Variants in ADGRL4 observed in about 807,000 individuals in gnomAD.
The protein encoded by ADGRL4 is adhesion G protein-coupled receptor L4, also known as EGF, latrophilin and seven transmembrane domain containing 1.
In ADGRL4, 90 loss-of-function variants were observed where a neutral mutation model predicts 74.8. That is an observed-to-expected ratio of 1.20 (90% CI 1.02 to 1.43). ADGRL4 has a LOEUF of 1.43. Among genes scored for constraint, ADGRL4 ranks in the 40% most tolerant of loss-of-function variants. The pLI, the probability that ADGRL4 is intolerant of heterozygous loss-of-function variation, is 0.00. For missense variants in ADGRL4, 881 were observed against 814.3 expected (o/e 1.08, Z -1.00); for synonymous variants, 311 against 279.2 (o/e 1.11, Z -1.14).
chr1:78,917,916 A>T lies in ADGRL4; in HGVS notation c.1596T>A (p.Asn532Lys), dbSNP rs1648912107. 6.2e-7 allele frequency: 1 copy of T among 1,612,810 alleles called. No individual in the cohort carries two copies. ...GGCTTAGATAGCCAAAGATATAAAA[A>T]TTCTTGTGCAAAAATCCCTTGTTGT... ...VIYNKGFLHK[N>K]FYIFGYLSPA... Residue 532 changes from asparagine (N) to lysine (K), a missense_variant, in exon 11 of 15, where the codon AAT becomes AAA. Coordinates refer to ENST00000370742, the MANE Select transcript of ADGRL4 (RefSeq NM_022159.4).
intron 2 of ADGRL4, among the ~76,000 whole-genome samples, chr1:78,963,720 G>A (rs1650000239): frequency 6.6e-6 from 1 of 151,960 alleles, no homozygotes; most frequent in Non-Finnish European, 1.5e-5. Flanking sequence ...TTCATAAAAT[G>A]AGATGAAAAT....
intron 6 of ADGRL4, 38 bp from the exon 7 acceptor site, chr1:78,936,449 C>T (rs1477505385): frequency 4.7e-6 from 7 of 1,496,298 alleles, no homozygotes; most frequent in Non-Finnish European, 5.4e-6. Flanking sequence ...AGTGAAATTA[C>T]TTTAATCAAT....
rs766430634 is a variant in ADGRL4 at position 78,926,901 on chromosome 1, T to C, written c.1068A>G (p.Thr356=). 1 of 1,611,130 alleles carries C rather than the reference T, an allele frequency of 6.2e-7. No individual in the cohort carries two copies. Among genetic ancestry groups the C allele is most frequent in the African/African-American group, 1.3e-5 (1 of 74,926 alleles). Residue 356 remains threonine, a synonymous_variant, in exon 8 of 15, where the codon ACA becomes ACG. Coordinates refer to ENST00000370742, the MANE Select transcript of ADGRL4 (RefSeq NM_022159.4). Reference sequence around the variant, plus strand: ...AACAGCTTACCTTTCGATGACTTAATGTAAATGTTATTTTTTCAAGTTCAT... The same window carrying C: ...AACAGCTTACCTTTCGATGACTTAACGTAAATGTTATTTTTTCAAGTTCAT... ...TLYELEKITF[T]LSHRKVTDRY... is the part of the protein sequence containing the mutation.
At chr1:78,946,219 A>T in intron 3 of ADGRL4, 55 bp downstream of exon 3, 1 of 1,470,662 alleles carries the variant, frequency 6.8e-7, no homozygotes. Flanking sequence ...TAACCTCTGG[A>T]GGTAACAAAC....
chr1:78,938,394 A>T, intron 4 of ADGRL4, 115 bp from the exon 5 acceptor site: 1 of 690,244 alleles, frequency 1.4e-6, no homozygotes, highest in Non-Finnish European at 2.2e-6. Flanking sequence ...TCTACACATA[A>T]ATAATATCAA....
intron 2 of ADGRL4, among the ~76,000 whole-genome samples, chr1:78,955,896 A>C (rs796511602): frequency 1.3e-5 from 2 of 152,168 alleles, no homozygotes; most frequent in African/African-American, 4.8e-5. Flanking sequence ...TTGGAAAAAA[A>C]CTATCTAATC....
chr1:78,980,198 C>CACA (rs1557519572), intron 2 of ADGRL4, among the ~76,000 whole-genome samples: 2,123 of 151,052 alleles, frequency 0.014, 53 homozygotes, highest in African/African-American at 0.05. Context: ...ACACACACAC[C>CACA]CACACACCAG....
chr1:79,000,244 C>T (rs1012043870), intron 2 of ADGRL4, among the ~76,000 whole-genome samples: 2 of 152,058 alleles, frequency 1.3e-5, no homozygotes, highest in Non-Finnish European at 2.9e-5. Flanking sequence ...TTGGGAAAAT[C>T]CAAAATCATA....
chr1:78,891,752 A>G (rs1648279852), intron 13 of ADGRL4, 60 bp from the exon 14 acceptor site: 1 of 1,413,968 alleles, frequency 7.1e-7, no homozygotes, highest in South Asian at 1.3e-5. Context: ...ATATCTCCCA[A>G]ATTACTCAAA....
chr1:78,903,707 G>T (rs1473878110), intron 12 of ADGRL4, among the ~76,000 whole-genome samples: 1 of 152,104 alleles, frequency 6.6e-6, no homozygotes, highest in African/African-American at 2.4e-5. Flanking sequence ...AGGCCGAGGA[G>T]GGTGGATCAC....
intron 7 of ADGRL4, among the ~76,000 whole-genome samples, chr1:78,931,124 C>T (rs74461593): frequency 0.039 from 5,865 of 151,226 alleles, 189 homozygotes; most frequent in Non-Finnish European, 0.066. Flanking sequence ...CCCCAAGACA[C>T]ATAAACAGAT....
At chr1:78,914,426 C>T (rs10158148) in intron 12 of ADGRL4, among the ~76,000 whole-genome samples, 100,339 of 151,662 alleles carry the variant, frequency 0.66, 33,624 homozygotes, top group East Asian at 0.76. Flanking sequence ...CTTAATCATA[C>T]GGTTTGGGTC....
chr1:78,980,812 G>A (rs1403380602), intron 2 of ADGRL4, among the ~76,000 whole-genome samples: 1 of 151,906 alleles, frequency 6.6e-6, no homozygotes, highest in East Asian at 1.9e-4. Flanking sequence ...AAGTAGATAT[G>A]ACAACTTCTC....
chr1:78,984,884 C>T (rs1034117767), intron 2 of ADGRL4, among the ~76,000 whole-genome samples: 2 of 151,516 alleles, frequency 1.3e-5, no homozygotes, highest in African/African-American at 4.8e-5. Flanking sequence ...CGCTATAACC[C>T]TTTACAAAGC....
chr1:78,910,108 G>A lies in ADGRL4; in HGVS notation c.1749+7526C>T, dbSNP rs1481039392. On this transcript the variant is annotated intron_variant, in intron 12 of 14. Transcript: ENST00000370742. ...ATATTAAGAAAAATGTATTTATGGGGAGAATGAGTGTAGATTGGAATATTC... is the reference window on the plus strand; with the variant it reads ...ATATTAAGAAAAATGTATTTATGGGAAGAATGAGTGTAGATTGGAATATTC... 2.6e-5 allele frequency among the ~76,000 whole-genome samples: 4 copies of A among 151,666 alleles called. No homozygotes were observed. In the South Asian group the frequency reaches 6.2e-4, roughly 24 times the overall value.
chr1:78,954,742 G>A (rs866374212), intron 2 of ADGRL4, among the ~76,000 whole-genome samples: 11 of 152,064 alleles, frequency 7.2e-5, no homozygotes, highest in African/African-American at 2.4e-4. Flanking sequence ...TTAAAAAATT[G>A]TAGTTAGAAA....
intron 2 of ADGRL4, among the ~76,000 whole-genome samples, chr1:78,949,946 AGT>A (rs1649687382): frequency 6.6e-6 from 1 of 152,188 alleles, no homozygotes; most frequent in Admixed American, 6.6e-5. Flanking sequence ...TGATACGCTG[AGT>A]TAAGCACGGC....
At chr1:78,898,325 A>G (rs930319691) in intron 12 of ADGRL4, among the ~76,000 whole-genome samples, 4 of 152,090 alleles carry the variant, frequency 2.6e-5, no homozygotes, top group African/African-American at 9.7e-5. Flanking sequence ...AATCATTGGT[A>G]TTCATCTGAA....
intron 3 of ADGRL4, among the ~76,000 whole-genome samples, chr1:78,944,541 T>G (rs1649555344): frequency 6.6e-6 from 1 of 152,188 alleles, no homozygotes; most frequent in Non-Finnish European, 1.5e-5. Flanking sequence ...AAGGTAAAAT[T>G]ACCATTCAAC....
Sources: allele counts gnomAD v4.1 joint callset (sites outside exome capture counted in the v4.1 genomes callset), GRCh38; gene constraint gnomAD v4.1.1; transcripts MANE v1.5; gene names NCBI Gene and HGNC (gene_info 2026-07-23, HGNC 2026-07-21).